The following RHEB variants were observed in gnomAD, a reference collection of about 807,000 sequenced individuals.
The protein encoded by RHEB is GTP-binding protein Rheb.
Under a neutral mutation model 28.8 loss-of-function variants are expected in RHEB, and 2 were observed. The observed-to-expected ratio is 0.07, with a 90% CI of 0.03 to 0.22. The LOEUF (loss-of-function observed/expected upper bound fraction) is 0.22, where lower values mean the gene tolerates loss of function less well. Ranked by LOEUF, RHEB falls within the 10% of genes least tolerant of loss-of-function variation. The pLI is 1.00. For missense variants in RHEB, 76 were observed against 219.9 expected (o/e 0.35, Z 4.14); for synonymous variants, 69 against 77.3 (o/e 0.89, Z 0.56).
chr7:151,513,089 T>G (rs1364488754), intron 1 of RHEB, among the ~76,000 whole-genome samples: 2 of 152,210 alleles, frequency 1.3e-5, no homozygotes, highest in South Asian at 4.1e-4. Context: ...TATTAAATCT[T>G]GACCCTTTGG....
chr7:151,498,095 T>A (rs1321675985), intron 1 of RHEB: 1 of 1,288,110 alleles, frequency 7.8e-7, no homozygotes, highest in East Asian at 5.6e-5. Context: ...TCACCTAAAT[T>A]AAATGTGCCC....
chr7:151,480,620 A>G (rs1031809491), intron 3 of RHEB, among the ~76,000 whole-genome samples: 3 of 152,130 alleles, frequency 2.0e-5, no homozygotes, highest in African/African-American at 7.2e-5. Context: ...CTCAATTTTC[A>G]AAAAAGCAAA....
intron 1 of RHEB, among the ~76,000 whole-genome samples, chr7:151,496,143 A>G (rs1450205831): frequency 6.6e-6 from 1 of 152,160 alleles, no homozygotes; most frequent in African/African-American, 2.4e-5. Flanking sequence ...AATTCACAAC[A>G]TAACTTTAAG....
chr7:151,491,461 C>G (rs548301070), intron 1 of RHEB, among the ~76,000 whole-genome samples: 1 of 152,324 alleles, frequency 6.6e-6, no homozygotes, highest in African/African-American at 2.4e-5. Context: ...TCCGGCCAGG[C>G]ACCATGGCTC....
At chr7:151,471,326 G>T in intron 6 of RHEB, 68 bp downstream of exon 6, 1 of 994,920 alleles carries the variant, frequency 1.0e-6, no homozygotes, top group Non-Finnish European at 1.5e-6. Flanking sequence ...CTTGACATCA[G>T]AACAATAATT....
intron 1 of RHEB, among the ~76,000 whole-genome samples, chr7:151,511,739 C>A (rs1195689796): frequency 4.0e-5 from 6 of 151,784 alleles, no homozygotes; most frequent in Non-Finnish European, 7.4e-5. Flanking sequence ...CCTCCCCCTT[C>A]GGGTTCAAGT....
chr7:151,489,196 A>G (rs920604854), intron 2 of RHEB, among the ~76,000 whole-genome samples: 1 of 152,248 alleles, frequency 6.6e-6, no homozygotes, highest in Non-Finnish European at 1.5e-5. Context: ...TGTTAATACA[A>G]TTCCAAAATG....
chr7:151,494,243 G>A (rs1356178834), intron 1 of RHEB, among the ~76,000 whole-genome samples: 1 of 152,222 alleles, frequency 6.6e-6, no homozygotes, highest in Non-Finnish European at 1.5e-5. Context: ...CATGGGATAA[G>A]CTCCCCAAGC....
intron 1 of RHEB, among the ~76,000 whole-genome samples, chr7:151,510,493 C>T (rs192204541): frequency 2.0e-5 from 3 of 152,284 alleles, no homozygotes; most frequent in Admixed American, 2.0e-4. Flanking sequence ...GATTGTACCC[C>T]ATAACAGTAA....
At chr7:151,488,321 T>C (rs1802520279) in intron 2 of RHEB, among the ~76,000 whole-genome samples, 1 of 152,240 alleles carries the variant, frequency 6.6e-6, no homozygotes, top group Non-Finnish European at 1.5e-5. Flanking sequence ...CCCAGAATTT[T>C]TGCTCACCAT....
At chr7:151,477,183 G>A (rs1802285570) in intron 4 of RHEB, 150 bp downstream of exon 4, 1 of 621,486 alleles carries the variant, frequency 1.6e-6, no homozygotes. Context: ...ATGTTTCCCA[G>A]CAATCCAGTT....
chr7:151,481,176 T>C (rs998833725), intron 3 of RHEB, among the ~76,000 whole-genome samples: 13 of 152,162 alleles, frequency 8.5e-5, no homozygotes, highest in Non-Finnish European at 1.8e-4. Flanking sequence ...AAAATTCATT[T>C]AGGGTATATG....
chr7:151,515,068 C>CAA (rs10711342), intron 1 of RHEB, among the ~76,000 whole-genome samples: 57,954 of 139,984 alleles, frequency 0.41, 13,211 homozygotes, highest in South Asian at 0.6. Context: ...AAATAATAGC[C>CAA]AAAAAAAAAA....
At chr7:151,505,272 T>C (rs764081104) in intron 1 of RHEB, among the ~76,000 whole-genome samples, 9 of 152,124 alleles carry the variant, frequency 5.9e-5, no homozygotes, top group Non-Finnish European at 1.2e-4. Flanking sequence ...GGAGAAAATA[T>C]TCATTAAATA....
intron 2 of RHEB, among the ~76,000 whole-genome samples, chr7:151,487,340 G>T (rs774821115): frequency 1.3e-5 from 2 of 152,114 alleles, no homozygotes; most frequent in Non-Finnish European, 2.9e-5. Context: ...GCCCAGAGCT[G>T]GGGGGAGAGG....
intron 2 of RHEB, among the ~76,000 whole-genome samples, chr7:151,485,053 C>A (rs147348720): frequency 1.3e-5 from 2 of 152,268 alleles, no homozygotes; most frequent in African/African-American, 4.8e-5. Flanking sequence ...AGACAAAGTA[C>A]GCAACAATTC....
intron 1 of RHEB, among the ~76,000 whole-genome samples, chr7:151,491,936 C>T (rs1256188394): frequency 6.6e-6 from 1 of 152,196 alleles, no homozygotes; most frequent in Non-Finnish European, 1.5e-5. Flanking sequence ...TAGCTTCTCA[C>T]TCTTCTGCTA....
chr7:151,484,583 C>T (rs973019133), intron 3 of RHEB, among the ~76,000 whole-genome samples, 154 bp downstream of exon 3: 1 of 152,078 alleles, frequency 6.6e-6, no homozygotes, highest in African/African-American at 2.4e-5. Context: ...ATTGTTAAGT[C>T]GAGCCACTGC....
chr7:151,518,934 T>C (rs1207440370), intron 1 of RHEB: 1 of 152,206 alleles, frequency 6.6e-6, no homozygotes, highest in East Asian at 1.9e-4. Context: ...GTCCTCTAAA[T>C]CCCTAGTTTT....
Sources: allele counts gnomAD v4.1 joint callset (sites outside exome capture counted in the v4.1 genomes callset), GRCh38; gene constraint gnomAD v4.1.1; transcripts MANE v1.5; gene names NCBI Gene and HGNC (gene_info 2026-07-23, HGNC 2026-07-21).